The following PUM1 variants were observed in gnomAD, a reference collection of about 807,000 sequenced individuals.
The protein encoded by PUM1 is pumilio homolog 1.
Under a neutral mutation model 131.8 loss-of-function variants are expected in PUM1, and 13 were observed. The observed-to-expected ratio is 0.10, with a 90% confidence interval of 0.06 to 0.16. The LOEUF (loss-of-function observed/expected upper bound fraction) is 0.16. Among genes scored for constraint, PUM1 ranks in the 10% least tolerant of loss-of-function variants. The probability of loss-of-function intolerance (pLI) is 1.00; values close to 1 mark genes in which losing one functional copy is unlikely to be tolerated. For synonymous variants in PUM1, 509 were observed against 556.5 expected (o/e 0.91, Z 1.20); for missense variants, 961 against 1,512.4 (o/e 0.64, Z 6.05).
chr1:31,042,690 C>T (rs1163729416), intron 2 of PUM1, among the ~76,000 whole-genome samples: 1 of 152,180 alleles, frequency 6.6e-6, no homozygotes, highest in East Asian at 1.9e-4. Flanking sequence ...TCCATGCATA[C>T]AAATATAAAC....
At chr1:31,041,935 T>C (rs1318097202) in intron 2 of PUM1, among the ~76,000 whole-genome samples, 1 of 152,074 alleles carries the variant, frequency 6.6e-6, no homozygotes, top group South Asian at 2.1e-4. Flanking sequence ...TGTAAAAATA[T>C]TAGAACACTT....
intron 7 of PUM1, among the ~76,000 whole-genome samples, chr1:30,986,237 G>A (rs887885458): frequency 2.6e-5 from 4 of 152,212 alleles, no homozygotes; most frequent in Non-Finnish European, 5.9e-5. Context: ...TTACAGGCAT[G>A]AGCCACCATG....
At chr1:30,983,701 C>T (rs557994154) in intron 7 of PUM1, among the ~76,000 whole-genome samples, 9 of 151,700 alleles carry the variant, frequency 5.9e-5, no homozygotes, top group Non-Finnish European at 1.2e-4. Flanking sequence ...AACTCCTGGG[C>T]TCAAGCAATC....
At chr1:31,029,203 C>G (rs1643327349) in intron 2 of PUM1, among the ~76,000 whole-genome samples, 1 of 152,174 alleles carries the variant, frequency 6.6e-6, no homozygotes, top group South Asian at 2.1e-4. Flanking sequence ...AGCAATGATG[C>G]CTTCAAGATG....
chr1:30,996,659 T>C (rs1311826911), intron 5 of PUM1, among the ~76,000 whole-genome samples: 4 of 152,242 alleles, frequency 2.6e-5, no homozygotes, highest in African/African-American at 9.6e-5. Flanking sequence ...GCCATTGAGA[T>C]GTGCCCTTCA....
chr1:30,955,878 G>C (rs1640143473), intron 14 of PUM1, among the ~76,000 whole-genome samples: 1 of 152,196 alleles, frequency 6.6e-6, no homozygotes, highest in Non-Finnish European at 1.5e-5. Context: ...TATTTACTTA[G>C]TATTTGTCCT....
chr1:31,042,323 T>TAAAC (rs34547619), intron 2 of PUM1, among the ~76,000 whole-genome samples: 42,207 of 150,846 alleles, frequency 0.28, 7,515 homozygotes, highest in East Asian at 0.53. Context: ...AATAAATAAA[T>TAAAC]AAATAAATAA....
intron 3 of PUM1, among the ~76,000 whole-genome samples, chr1:31,016,331 T>C (rs1175111366): frequency 6.6e-6 from 1 of 152,192 alleles, no homozygotes; most frequent in Non-Finnish European, 1.5e-5. Flanking sequence ...AATTGTTGCT[T>C]AAATAAGGAA....
intron 14 of PUM1, among the ~76,000 whole-genome samples, chr1:30,958,901 A>G (rs930804626): frequency 1.3e-5 from 2 of 152,182 alleles, no homozygotes; most frequent in East Asian, 1.9e-4. Context: ...GGGTCACAAC[A>G]TATTTTATAT....
At chr1:30,934,281 C>A (rs1301618986) in intron 21 of PUM1, among the ~76,000 whole-genome samples, 4 of 152,198 alleles carry the variant, frequency 2.6e-5, no homozygotes, top group Admixed American at 6.5e-5. Context: ...AATTATCAAT[C>A]TTTCCATATA....
At chr1:30,978,449 G>T (rs1641226529) in intron 9 of PUM1, among the ~76,000 whole-genome samples, 1 of 152,224 alleles carries the variant, frequency 6.6e-6, no homozygotes, top group African/African-American at 2.4e-5. Flanking sequence ...AAAGGGGGAT[G>T]ACCACGGACA....
At chr1:31,038,415 G>A (rs1322269179) in intron 2 of PUM1, among the ~76,000 whole-genome samples, 7 of 152,112 alleles carry the variant, frequency 4.6e-5, no homozygotes, top group Non-Finnish European at 7.4e-5. Flanking sequence ...AAAGACCATG[G>A]TAGACACTAC....
intron 3 of PUM1, among the ~76,000 whole-genome samples, chr1:31,019,311 C>T (rs1009646400): frequency 2.0e-5 from 3 of 152,200 alleles, no homozygotes; most frequent in Admixed American, 6.5e-5. Context: ...AACATAGTGC[C>T]GCTGCGCTCC....
chr1:31,009,782 A>AAC (rs1553150214), intron 3 of PUM1, among the ~76,000 whole-genome samples: 43 of 125,368 alleles, frequency 3.4e-4, no homozygotes, highest in Non-Finnish European at 6.2e-4. Context: ...AAAAAAAAAA[A>AAC]AAAAACAAAA....
intron 5 of PUM1, among the ~76,000 whole-genome samples, chr1:31,002,682 TA>T (rs1472160396): frequency 1.3e-5 from 2 of 152,028 alleles, no homozygotes; most frequent in Non-Finnish European, 2.9e-5. Context: ...AAAAGAAAAA[TA>T]AAAGACTTGA....
chr1:31,031,605 C>T (rs934388393), intron 2 of PUM1, among the ~76,000 whole-genome samples: 2 of 152,214 alleles, frequency 1.3e-5, no homozygotes, highest in Non-Finnish European at 2.9e-5. Context: ...TTCTGTACCA[C>T]CAAGCTGCCC....
chr1:31,055,585 TAATGATGAATGCC>T (rs1187516606), intron 2 of PUM1, among the ~76,000 whole-genome samples: 1 of 152,214 alleles, frequency 6.6e-6, no homozygotes, highest in African/African-American at 2.4e-5. Flanking sequence ...AATTGTGTTG[TAATGATGAATGCC>T]AATTCCAAGG....
At chr1:30,989,571 CAAAAAAAAAAAAA>C (rs1174565063) in intron 7 of PUM1, among the ~76,000 whole-genome samples, 18 of 27,696 alleles carry the variant, frequency 6.5e-4, no homozygotes, top group South Asian at 1.9e-3. Context: ...GACTCCGTCT[CAAAAAAAAAAAAA>C]AAAAAAAAAA....
At chr1:31,003,328 T>C (rs1642281786) in intron 5 of PUM1, among the ~76,000 whole-genome samples, 1 of 152,190 alleles carries the variant, frequency 6.6e-6, no homozygotes, top group Non-Finnish European at 1.5e-5. Context: ...CTCAAGAAGA[T>C]GTATGCATAC....
Sources: gnomAD v4.1 joint callset for allele counts (sites outside exome capture counted in the v4.1 genomes callset) on GRCh38, gnomAD v4.1.1 for gene constraint, MANE v1.5 for transcripts, NCBI Gene and HGNC (gene_info 2026-07-23, HGNC 2026-07-21) for gene names.